The following NCAN variants were observed in gnomAD, a reference collection of about 807,000 sequenced individuals.
NCAN encodes the protein neurocan.
NCAN carries 47 observed loss-of-function variants against 121.8 expected under a neutral mutation model. That is an observed-to-expected ratio of 0.39 (90% CI 0.31 to 0.49). The LOEUF (loss-of-function observed/expected upper bound fraction) is 0.49. Among genes scored for constraint, NCAN ranks in the 20% least tolerant of loss-of-function variants. The probability of loss-of-function intolerance (pLI) is 0.92; values close to 1 mark genes in which losing one functional copy is unlikely to be tolerated. For synonymous variants in NCAN, 633 were observed against 702.0 expected (o/e 0.90, Z 1.55); for missense variants, 1,517 against 1,773.4 (o/e 0.86, Z 2.60).
At chr19:19,245,519 C>A in intron 13 of NCAN, 62 bp downstream of exon 13, 1 of 1,572,746 alleles carries the variant, frequency 6.4e-7, no homozygotes, top group Admixed American at 1.8e-5. Flanking sequence ...TCTCTGTTGC[C>A]CAGGCTGGAG....
intron 2 of NCAN, among the ~76,000 whole-genome samples, chr19:19,218,602 A>G (rs1218102469): frequency 6.6e-6 from 1 of 151,830 alleles, no homozygotes; most frequent in African/African-American, 2.4e-5. Context: ...CCTCCTGAGT[A>G]GCTGGGATTA....
At chr19:19,214,175 G>A (rs1402405155) in intron 1 of NCAN, among the ~76,000 whole-genome samples, 1 of 152,110 alleles carries the variant, frequency 6.6e-6, no homozygotes, top group African/African-American at 2.4e-5. Context: ...TGAGGTGGGG[G>A]TGAAGTGAAG....
intron 11 of NCAN, among the ~76,000 whole-genome samples, chr19:19,239,826 T>C (rs111067289): frequency 0.079 from 8,354 of 105,762 alleles, 670 homozygotes; most frequent in African/African-American, 0.21. Flanking sequence ...TCCCCATTCA[T>C]CTCCCACTCT....
At position 19,245,545 on chromosome 19, in the gene NCAN, A is replaced by G. The variant is rs2060921307; in HGVS notation, c.3637+88A>G. 4 of 1,464,004 alleles carry G rather than the reference A, an allele frequency of 2.7e-6. No homozygotes were observed. In the East Asian group the frequency reaches 7.1e-5, roughly 26 times the overall value. The allele number at this position is 1,464,004 out of a possible 1,614,324, so 90.7% of individuals were successfully genotyped here. ...CAGGCTGGAGTGCAGTGGCATAATC[A>G]TGGCTCATCACAGCCTCCACCGCCT... On this transcript the variant is annotated intron_variant, in intron 13 of 14. Coordinates refer to ENST00000252575, the MANE Select transcript of NCAN (RefSeq NM_004386.3).
At chr19:19,224,617 C>G (rs751141592) in intron 5 of NCAN, among the ~76,000 whole-genome samples, 184 bp downstream of exon 5, 6 of 151,474 alleles carry the variant, frequency 4.0e-5, no homozygotes, top group Non-Finnish European at 8.8e-5. Flanking sequence ...CCCCCTCCCT[C>G]CCTTTGCCCC....
rs2238675 is a variant in NCAN, at chr19:19,225,799, C to T, written c.1072+529C>T. The stretch of plus-strand genomic sequence containing the variant: ...CTGCCCCAGTCCTGGCATGGGCATA[C>T]CATGCCCACGGGGCACCACCTGTAC... On this transcript the variant is annotated intron_variant, in intron 6 of 14. Transcript: ENST00000252575. This position sits in a 1 kb window ranked among gnomAD's most constrained non-coding sequence, Gnocchi z 4.0. Among the ~76,000 whole-genome samples, 14,675 of 152,300 alleles carry T rather than the reference C, an allele frequency of 0.096. 903 individuals carry two copies. Among genetic ancestry groups the T allele is most frequent in the South Asian group, 0.17 (814 of 4,824 alleles).
intron 9 of NCAN, 75 bp from the exon 10 acceptor site, chr19:19,234,908 C>A: frequency 2.3e-6 from 2 of 886,330 alleles, no homozygotes; most frequent in Non-Finnish European, 3.5e-6. Context: ...ACCCCATCTT[C>A]TGCTTAGTTT....
At position 19,212,062 on chromosome 19, in the gene NCAN, C is replaced by T; in HGVS notation, c.-10C>T. The T allele has an allele frequency of 4.9e-6, 1 of 205,848 alleles. No homozygotes were observed. The highest frequency in any genetic ancestry group is 1.0e-5 in the Non-Finnish European group (1 of 95,886). The allele number at this position is 205,848 out of a possible 1,614,324, so 12.8% of individuals were successfully genotyped here. Reference sequence around the variant, plus strand: ...CCCGGGATGCGTCCGAGCTAGGAGCCAGGTGGGGGATCCGTGAGGGGGCCG... The same window carrying T: ...CCCGGGATGCGTCCGAGCTAGGAGCTAGGTGGGGGATCCGTGAGGGGGCCG... On this transcript the variant is annotated splice_region_variant and 5_prime_UTR_variant, in exon 1 of 15. Transcript: ENST00000252575. This position sits in a 1 kb window ranked among gnomAD's most constrained non-coding sequence, Gnocchi z 4.5.
intron 11 of NCAN, among the ~76,000 whole-genome samples, chr19:19,239,283 G>A (rs1457712335): frequency 6.6e-6 from 1 of 151,950 alleles, no homozygotes; most frequent in Non-Finnish European, 1.5e-5. Context: ...CCCACTTGTG[G>A]AGGGTGGGGT....
intron 1 of NCAN, among the ~76,000 whole-genome samples, chr19:19,213,919 CAT>C (rs1475452934): frequency 6.6e-6 from 1 of 152,194 alleles, no homozygotes; most frequent in Non-Finnish European, 1.5e-5. Flanking sequence ...GAAACACACA[CAT>C]GTGCGCACAG....
chr19:19,216,564 C>A (rs2060796863), intron 1 of NCAN, among the ~76,000 whole-genome samples: 1 of 152,156 alleles, frequency 6.6e-6, no homozygotes, highest in Non-Finnish European at 1.5e-5. Context: ...CCCTCCTCGG[C>A]CTCCCAAAGT....
chr19:19,238,280 A>G lies in NCAN; in HGVS notation c.3278A>G (p.His1093Arg), dbSNP rs758602643. 1.4e-5 allele frequency: 22 copies of G among 1,614,084 alleles called. No homozygotes were observed. The South Asian group carries it at 1.5e-4, about 11-fold the overall frequency. Residue 1093 changes from histidine (H) to arginine (R), a missense_variant, in exon 11 of 15, where the codon CAT becomes CGT. His to Arg is a conservative substitution (Grantham distance 29). Transcript: ENST00000252575. Reference sequence around the variant, plus strand: ...ACCGAGGGCTGTGACCGCGGCTGGCATAAGTTCCAGGGCCACTGTTACCGC... The same window carrying G: ...ACCGAGGGCTGTGACCGCGGCTGGCGTAAGTTCCAGGGCCACTGTTACCGC... Reference protein sequence around the residue: ...KDTEGCDRGWHKFQGHCYRYF... With the variant: ...KDTEGCDRGWRKFQGHCYRYF...
In NCAN at chr19:19,227,415, A is replaced by G; in HGVS notation, c.1795A>G (p.Thr599Ala). 6.2e-7 allele frequency: 1 copy of G among 1,613,424 alleles called. No individual in the cohort carries two copies. Among genetic ancestry groups the G allele is most frequent in the Non-Finnish European group, 8.5e-7 (1 of 1,179,884 alleles). Reference protein sequence around the residue: ...KAEGPSARPATPDLFWSPLEA... With the variant: ...KAEGPSARPAAPDLFWSPLEA... Reference sequence around the variant, plus strand: ...CGAGGGCCCCAGTGCCAGGCCAGCCACCCCAGACCTGTTTTGGTCCCCCTT... The same window carrying G: ...CGAGGGCCCCAGTGCCAGGCCAGCCGCCCCAGACCTGTTTTGGTCCCCCTT... The change falls in exon 8 of 15, where the codon ACC becomes GCC. Residue 599 changes from threonine to alanine, a missense_variant. Coordinates refer to ENST00000252575, the MANE Select transcript of NCAN (RefSeq NM_004386.3). This position sits in a 1 kb window ranked among gnomAD's most constrained non-coding sequence, Gnocchi z 4.2.
At chr19:19,245,905 T>C (rs554086816) in intron 13 of NCAN, among the ~76,000 whole-genome samples, 4 of 152,020 alleles carry the variant, frequency 2.6e-5, no homozygotes, top group African/African-American at 9.7e-5. Flanking sequence ...GGGTATAGAA[T>C]TTTGGTGTGT....
intron 3 of NCAN, among the ~76,000 whole-genome samples, chr19:19,221,857 C>T (rs2060817974): frequency 6.6e-6 from 1 of 152,038 alleles, no homozygotes. Flanking sequence ...CACCACTGCA[C>T]TTCAGCCTGG....
Position 19,225,004 on chromosome 19 carries a change from G to A in NCAN, c.806G>A (p.Arg269His), listed in dbSNP as rs986003773. 11 of 1,461,996 alleles carry A rather than the reference G, an allele frequency of 7.5e-6. No homozygotes were observed. Among genetic ancestry groups the A allele is most frequent in the Admixed American group, 5.0e-5 (2 of 39,826 alleles). 90.6% of individuals were successfully genotyped at this position (1,461,996 alleles called of 1,614,324 possible). A position where few individuals can be genotyped will look rare whatever the true frequency, so the allele number is the denominator to read the frequency against. ...GAGGTCTTCTACGTGGGCCCGGCCCGCCGCCTGACACTGGCCGGCGCGCGT... is the reference window on the plus strand; with the variant it reads ...GAGGTCTTCTACGTGGGCCCGGCCCACCGCCTGACACTGGCCGGCGCGCGT... ...GGEVFYVGPARRLTLAGARAQ... is the reference protein window; with the variant it reads ...GGEVFYVGPAHRLTLAGARAQ... Residue 269 changes from arginine to histidine, a missense_variant, in exon 6 of 15, where the codon CGC (arginine) becomes CAC (histidine). Physicochemically the swap from Arg to His is conservative, Grantham distance 29. Coordinates refer to ENST00000252575, the MANE Select transcript of NCAN (RefSeq NM_004386.3). This position sits in a 1 kb window ranked among gnomAD's most constrained non-coding sequence, Gnocchi z 4.0.
intron 13 of NCAN, among the ~76,000 whole-genome samples, chr19:19,245,772 C>T (rs2060922317): frequency 6.7e-6 from 1 of 148,866 alleles, no homozygotes; most frequent in Non-Finnish European, 1.5e-5. Flanking sequence ...GCCATTGTGC[C>T]CAGCCTTGAT....
chr19:19,225,108 T>C lies in NCAN; in HGVS notation c.910T>C (p.Cys304Arg). The C allele has an allele frequency of 6.5e-7, 1 of 1,534,124 alleles. No individual in the cohort carries two copies. Among genetic ancestry groups the C allele is most frequent in the Non-Finnish European group, 8.7e-7 (1 of 1,148,936 alleles). Residue 304 changes from cysteine (C) to arginine (R), a missense_variant, in exon 6 of 15, where the codon TGC becomes CGC. By Grantham distance (180) the Cys-to-Arg change is radical (BLOSUM62 -3). Transcript: ENST00000252575. This position sits in a 1 kb window ranked among gnomAD's most constrained non-coding sequence, Gnocchi z 4.0. Reference sequence around the variant, plus strand: ...GGCCTGGCATGAGGGCCTGGACCAGTGCGACCCGGGCTGGCTGGCCGACGG... The same window carrying C: ...GGCCTGGCATGAGGGCCTGGACCAGCGCGACCCGGGCTGGCTGGCCGACGG... ...HLAWHEGLDQCDPGWLADGSV... is the reference protein window; with the variant it reads ...HLAWHEGLDQRDPGWLADGSV...
At position 19,224,067 on chromosome 19, in the gene NCAN, C is replaced by T; in HGVS notation, c.522C>T (p.Thr174=). The T allele has an allele frequency of 3.1e-6, 5 of 1,594,104 alleles. No homozygotes were observed. Among genetic ancestry groups the T allele is most frequent in the Non-Finnish European group, 4.3e-6 (5 of 1,166,266 alleles). ...YRSARDRYAL[T]FAEAQEACRL... is the part of the protein sequence containing the mutation. ...CAGCCCGGGACCGCTATGCACTGAC[C>T]TTCGCTGAGGCCCAGGAGGCCTGCC... is the stretch of plus-strand genomic sequence containing the variant. Residue 174 remains threonine, a synonymous_variant, in exon 4 of 15, where the codon ACC becomes ACT. Transcript: ENST00000252575.
Sources: allele counts gnomAD v4.1 joint callset (sites outside exome capture counted in the v4.1 genomes callset), GRCh38; gene constraint gnomAD v4.1.1; non-coding constraint Gnocchi (gnomAD v3.1); transcripts MANE v1.5; gene names NCBI Gene and HGNC (gene_info 2026-07-23, HGNC 2026-07-21).